TFPI2: variants seen among roughly 807,000 people sequenced by gnomAD.
The protein encoded by TFPI2 is tissue factor pathway inhibitor 2, also known as placental protein 5.
Under a neutral mutation model 23.1 loss-of-function variants are expected in TFPI2, and 23 were observed. The ratio of observed to expected loss-of-function variants is 1.00; its 90% CI spans 0.72 to 1.41. The LOEUF (loss-of-function observed/expected upper bound fraction) is 1.41. TFPI2 is among the 40% of genes most tolerant of loss of function. The probability of loss-of-function intolerance (pLI) is 0.00; values close to 1 mark genes in which losing one functional copy is unlikely to be tolerated. For synonymous variants in TFPI2, 119 were observed against 111.7 expected (o/e 1.07, Z -0.41); for missense variants, 291 against 299.6 (o/e 0.97, Z 0.21).
Position 93,889,164 on chromosome 7 carries a change from C to T in TFPI2, c.331G>A (p.Glu111Lys). Residue 111 changes from glutamate (E) to lysine (K), a missense_variant, in exon 3 of 5, where the codon GAA becomes AAA. By Grantham distance (56) the Glu-to-Lys change is moderately conservative. Coordinates refer to ENST00000222543, the MANE Select transcript of TFPI2 (RefSeq NM_006528.4). ...GAACTTAGATTAAAGAAATACTTTTCTGTGGACCCCTCACACTGGTCGTCC... is the reference window on the plus strand; with the variant it reads ...GAACTTAGATTAAAGAAATACTTTTTTGTGGACCCCTCACACTGGTCGTCC... ...SVDDQCEGST[E>K]KYFFNLSSMT... 3.1e-6 allele frequency: 5 copies of T among 1,613,104 alleles called. No individual in the cohort carries two copies. Among genetic ancestry groups the T allele is most frequent in the Non-Finnish European group, 4.2e-6 (5 of 1,179,674 alleles).
In TFPI2 at chr7:93,885,790, A is replaced by C. The variant is rs1270660322; in HGVS notation, c.*1030T>G. On this transcript the variant is annotated 3_prime_UTR_variant, in exon 5 of 5. Transcript: ENST00000222543. ...CCTATTTGTCAAAATAACTGGGATA[A>C]ATTTTTAAATGAAAGATTGTTCAAG... 1 of 152,082 alleles carries C rather than the reference A, an allele frequency of 6.6e-6. No homozygotes were observed. The highest frequency in any genetic ancestry group is 1.5e-5 in the Non-Finnish European group (1 of 67,924). 9.4% of individuals were successfully genotyped at this position (152,082 alleles called of 1,614,324 possible). A position where few individuals can be genotyped will look rare whatever the true frequency, so the allele number is the denominator to read the frequency against.
intron 2 of TFPI2, among the ~76,000 whole-genome samples, chr7:93,889,675 G>A (rs997137632): frequency 6.6e-6 from 1 of 152,018 alleles, no homozygotes; most frequent in African/African-American, 2.4e-5. Context: ...TTGGGTATCG[G>A]GACAAAAGTA....
At chr7:93,888,616 A>AAAGGAGAGAAAGGAAGG (rs1289834972) in intron 3 of TFPI2, among the ~76,000 whole-genome samples, 4 of 150,924 alleles carry the variant, frequency 2.7e-5, no homozygotes, top group Non-Finnish European at 5.9e-5. Flanking sequence ...AGAGAAAAAG[A>AAAGGAGAGAAAGGAAGG]AAGGAGAGAA....
At position 93,889,081 on chromosome 7, in the gene TFPI2, C is replaced by A; in HGVS notation, c.414G>T (p.Arg138Ser). Reference protein sequence around the residue: ...GGCHRNRIENRFPDEATCMGF... With the variant: ...GGCHRNRIENSFPDEATCMGF... Reference sequence around the variant, plus strand: ...CCATACAAGTAGCTTCATCTGGAAACCTGTTCTCAATCCGGTTCCGGTGAC... The same window carrying A: ...CCATACAAGTAGCTTCATCTGGAAAACTGTTCTCAATCCGGTTCCGGTGAC... Residue 138 changes from arginine (R) to serine (S), a missense_variant, in exon 3 of 5, where the codon AGG (arginine) becomes AGT (serine). Physicochemically the swap from Arg to Ser is moderately radical, Grantham distance 110 (BLOSUM62 -1). Transcript: ENST00000222543. The A allele has an allele frequency of 1.2e-6, 2 of 1,611,558 alleles. No individual in the cohort carries two copies. The highest frequency in any genetic ancestry group is 1.7e-6 in the Non-Finnish European group (2 of 1,179,240).
chr7:93,889,587 A>C (rs1045724984), intron 2 of TFPI2, among the ~76,000 whole-genome samples: 36 of 152,310 alleles, frequency 2.4e-4, no homozygotes, highest in African/African-American at 8.2e-4. Flanking sequence ...AACCGATATA[A>C]TTTAAAAATT....
chr7:93,886,837 G>T lies in TFPI2; in HGVS notation c.691C>A (p.Arg231=). 1 of 1,552,926 alleles carries T rather than the reference G, an allele frequency of 6.4e-7. No individual in the cohort carries two copies. The highest frequency in any genetic ancestry group is 1.2e-5 in the South Asian group (1 of 80,368). ...AAGAATGTTTAAAATTGCTTCTTCC[G>T]AATTTTCCGGATTCTACTGGCAAAG... The part of the protein sequence containing the change: ...LRFASRIRKI[R]KKQF Residue 231 remains arginine (R), a synonymous_variant, in exon 5 of 5, where the codon CGG becomes AGG. Coordinates refer to ENST00000222543, the MANE Select transcript of TFPI2 (RefSeq NM_006528.4).
chr7:93,888,583 AGGAAAG>A lies in TFPI2; in HGVS notation c.460+446_460+451del, dbSNP rs1468688416. On this transcript the variant is annotated intron_variant, in intron 3 of 4. Transcript: ENST00000222543. ...AAGGAAGGAAGGAAGGAAGGAAGGA[AGGAAAG>A]AGAAAGAAAGAAAGAAAGAGAAAAA... Among the ~76,000 whole-genome samples, 589 of 98,146 alleles carry A rather than the reference AGGAAAG, an allele frequency of 6.0e-3. 4 individuals carry two copies. The highest frequency in any genetic ancestry group is 0.024 in the African/African-American group (378 of 15,640). 64.4% of individuals were successfully genotyped at this position (98,146 alleles called of 152,430 possible). A position where few individuals can be genotyped will look rare whatever the true frequency, so the allele number is the denominator to read the frequency against.
At chr7:93,890,429 C>G (rs1298651380) in intron 1 of TFPI2, 110 bp from the exon 2 acceptor site, 2 of 1,443,338 alleles carry the variant, frequency 1.4e-6, no homozygotes, top group African/African-American at 2.9e-5. Context: ...GGAGGGGCCT[C>G]TGCAGAGAAA....
In TFPI2 at chr7:93,887,334, G is replaced by A. The variant is rs1794014495; in HGVS notation, c.558C>T (p.Phe186=). 2.5e-6 allele frequency: 4 copies of A among 1,613,748 alleles called. No individual in the cohort carries two copies. The highest frequency in any genetic ancestry group is 3.4e-6 in the Non-Finnish European group (4 of 1,179,826). The change falls in exon 4 of 5, where the codon TTC becomes TTT. Residue 186 remains phenylalanine, a synonymous_variant. Transcript: ENST00000222543. ...CATTCCCTCCACAGCCAGTATAGGT[G>A]AAAGCATCACAGGTTCTGTATCTTG... ...FNPRYRTCDA[F]TYTGCGGNDN...
chr7:93,889,555 C>T (rs1005151359), intron 2 of TFPI2, among the ~76,000 whole-genome samples: 5 of 151,690 alleles, frequency 3.3e-5, no homozygotes, highest in Admixed American at 6.6e-5. Context: ...ATGGAAAAGC[C>T]CCATGTTCTC....
chr7:93,888,930 G>C, intron 3 of TFPI2, 105 bp downstream of exon 3: 1 of 1,054,436 alleles, frequency 9.5e-7, no homozygotes, highest in South Asian at 1.5e-5. Context: ...CAAGTAATGT[G>C]AAATCATGAA....
At position 93,890,271 on chromosome 7, in the gene TFPI2, C is replaced by T. The variant is rs765431049; in HGVS notation, c.137G>A (p.Arg46Gln). 1 of 1,613,560 alleles carries T rather than the reference C, an allele frequency of 6.2e-7. No individual in the cohort carries two copies. The highest frequency in any genetic ancestry group is 8.5e-7 in the Non-Finnish European group (1 of 1,179,520). The change falls in exon 2 of 5, where the codon CGG becomes CAG. Residue 46 changes from arginine to glutamine, a missense_variant. Arg to Gln is a conservative substitution (Grantham distance 43, BLOSUM62 1). Coordinates refer to ENST00000222543, the MANE Select transcript of TFPI2 (RefSeq NM_006528.4). Reference protein sequence around the residue: ...CLLPLDYGPCRALLLRYYYDR... With the variant: ...CLLPLDYGPCQALLLRYYYDR... ...GTAGTAGTAACGGAGAAGTAGGGCC[C>T]GGCAGGGTCCGTAGTCTAGGGGCAG... is the stretch of plus-strand genomic sequence containing the variant.
Position 93,889,193 on chromosome 7 carries a change from C to T in TFPI2, c.302G>A (p.Ser101Asn), listed in dbSNP as rs906019783. 1 of 1,595,740 alleles carries T rather than the reference C, an allele frequency of 6.3e-7. No homozygotes were observed. The highest frequency in any genetic ancestry group is 1.4e-5 in the African/African-American group (1 of 74,046). ...KVPKVCRLQV[S>N]VDDQCEGSTE... ...GGACCCCTCACACTGGTCGTCCACA[C>T]TCACTTGCAGCCGGCAAACTTTGGG... The change falls in exon 3 of 5, where the codon AGT becomes AAT. Residue 101 changes from serine (S) to asparagine (N), a missense_variant. Transcript: ENST00000222543.
rs1794075054 is a variant in TFPI2 at position 93,889,149 on chromosome 7, T to TA, written c.345dup (p.Asn116Ter). 25 of 1,613,406 alleles carry TA rather than the reference T, an allele frequency of 1.5e-5. No individual in the cohort carries two copies. Among genetic ancestry groups the TA allele is most frequent in the Non-Finnish European group, 2.1e-5 (25 of 1,179,830 alleles). ...TTTTCACATGTCATGGAACTTAGAT[T>TA]AAAGAAATACTTTTCTGTGGACCCC... is the stretch of plus-strand genomic sequence containing the variant. On this transcript the variant is annotated frameshift_variant, in exon 3 of 5. Coordinates refer to ENST00000222543, the MANE Select transcript of TFPI2 (RefSeq NM_006528.4). LOFTEE classifies it high-confidence loss of function.
In TFPI2 at chr7:93,889,162, T is replaced by C. The variant is rs1416983226; in HGVS notation, c.333A>G (p.Glu111=). The change falls in exon 3 of 5, where the codon GAA becomes GAG. Residue 111 remains glutamate, a synonymous_variant. Transcript: ENST00000222543. The part of the protein sequence containing the change: ...SVDDQCEGST[E]KYFFNLSSMT... ...TGGAACTTAGATTAAAGAAATACTT[T>C]TCTGTGGACCCCTCACACTGGTCGT... The C allele has an allele frequency of 1.2e-6, 2 of 1,613,072 alleles. No individual in the cohort carries two copies. The highest frequency in any genetic ancestry group is 1.3e-5 in the African/African-American group (1 of 74,856).
chr7:93,887,165 A>G (rs1449003643), intron 4 of TFPI2, 96 bp downstream of exon 4: 1 of 1,254,552 alleles, frequency 8.0e-7, no homozygotes, highest in East Asian at 2.6e-5. Context: ...AGAAACAGCA[A>G]TTTGCTATTA....
At chr7:93,887,774 C>T (rs1406562243) in intron 3 of TFPI2, among the ~76,000 whole-genome samples, 3 of 152,104 alleles carry the variant, frequency 2.0e-5, no homozygotes, top group Admixed American at 6.6e-5. Flanking sequence ...TAAATTTTGT[C>T]GTGTTGGTAG....
At chr7:93,889,347 C>T in intron 2 of TFPI2, 124 bp from the exon 3 acceptor site, 3 of 825,658 alleles carry the variant, frequency 3.6e-6, no homozygotes, top group Admixed American at 3.0e-5. Flanking sequence ...ATAGTAAATA[C>T]CCAGAATACT....
intron 3 of TFPI2, among the ~76,000 whole-genome samples, chr7:93,888,101 CA>C (rs1298370866): frequency 5.8e-4 from 88 of 152,190 alleles, no homozygotes; most frequent in African/African-American, 1.9e-3. Flanking sequence ...TTCAAGGATT[CA>C]GGGGTGGTGG....
Sources: allele counts gnomAD v4.1 joint callset (sites outside exome capture counted in the v4.1 genomes callset), GRCh38; gene constraint gnomAD v4.1.1; transcripts MANE v1.5; gene names NCBI Gene and HGNC (gene_info 2026-07-23, HGNC 2026-07-21).